AGTPBP1: variants seen among roughly 807,000 people sequenced by gnomAD.
AGTPBP1 encodes ATP/GTP binding carboxypeptidase 1, also known as cytosolic carboxypeptidase 1.
AGTPBP1 carries 70 observed loss-of-function variants against 143.9 expected under a neutral mutation model. The ratio of observed to expected loss-of-function variants is 0.49; its 90% CI spans 0.40 to 0.59. AGTPBP1 has a LOEUF of 0.59. Among genes scored for constraint, AGTPBP1 ranks in the 20% least tolerant of loss-of-function variants. The probability of loss-of-function intolerance (pLI) is 0.00; values close to 1 mark genes in which losing one functional copy is unlikely to be tolerated. For synonymous variants in AGTPBP1, 463 were observed against 500.2 expected (o/e 0.93, Z 0.99); for missense variants, 1,229 against 1,464.5 (o/e 0.84, Z 2.62).
intron 25 of AGTPBP1, among the ~76,000 whole-genome samples, chr9:85,562,939 T>C (rs1018688458): frequency 1.3e-5 from 2 of 152,154 alleles, no homozygotes; most frequent in Non-Finnish European, 2.9e-5. Flanking sequence ...ATGGGATTAG[T>C]GCCCTTATAA....
At chr9:85,551,156 G>A (rs1010268038) in intron 25 of AGTPBP1, among the ~76,000 whole-genome samples, 1 of 152,056 alleles carries the variant, frequency 6.6e-6, no homozygotes, top group African/African-American at 2.4e-5. Flanking sequence ...GTGGCACCAT[G>A]CTTCCTGTAC....
chr9:85,684,629 A>G (rs1835381251), intron 3 of AGTPBP1, among the ~76,000 whole-genome samples: 2 of 151,906 alleles, frequency 1.3e-5, no homozygotes, highest in South Asian at 4.2e-4. Flanking sequence ...ACATACTGCA[A>G]TCTTCCACCT....
upstream of AGTPBP1, among the ~76,000 whole-genome samples, chr9:85,746,672 T>C (rs1242738015): frequency 6.6e-6 from 1 of 151,538 alleles, no homozygotes; most frequent in Non-Finnish European, 1.5e-5. Flanking sequence ...AGAAGCAAAA[T>C]TGAGTAGAGA....
the AGTPBP1 span, chr9:85,765,060 C>T: frequency 1.8e-6 from 1 of 564,208 alleles, no homozygotes; most frequent in East Asian, 3.0e-5. Flanking sequence ...GTAGTGAGTT[C>T]ACCTGGCACT....
At chr9:85,561,666 G>A (rs916568756) in intron 25 of AGTPBP1, among the ~76,000 whole-genome samples, 1 of 152,066 alleles carries the variant, frequency 6.6e-6, no homozygotes, top group Admixed American at 6.6e-5. Flanking sequence ...GGGGTGGAAT[G>A]CGTGGTGAGA....
intron 5 of AGTPBP1, among the ~76,000 whole-genome samples, 177 bp from the exon 6 acceptor site, chr9:85,677,759 T>A (rs1241538623): frequency 6.6e-6 from 1 of 152,074 alleles, no homozygotes; most frequent in Non-Finnish European, 1.5e-5. Flanking sequence ...TCACAGCACT[T>A]AGGGAGGCCG....
Position 85,587,093 on chromosome 9 carries a change from G to C in AGTPBP1, c.2904-133C>G, listed in dbSNP as rs1161329286. On this transcript the variant is annotated intron_variant, in intron 21 of 25. Transcript: ENST00000357081. ...CCACTAAGCATTTCAAATAGGTATAGATGGTAAGCTCAACCAAATGCATAC... is the reference window on the plus strand; with the variant it reads ...CCACTAAGCATTTCAAATAGGTATACATGGTAAGCTCAACCAAATGCATAC... The C allele has an allele frequency of 5.4e-6, 6 of 1,112,182 alleles. No homozygotes were observed. In the African/African-American group the frequency reaches 9.4e-5, roughly 17 times the overall value. 68.9% of individuals were successfully genotyped at this position (1,112,182 alleles called of 1,614,324 possible).
chr9:85,704,240 G>A (rs528113610), intron 2 of AGTPBP1, among the ~76,000 whole-genome samples: 1 of 152,248 alleles, frequency 6.6e-6, no homozygotes, highest in East Asian at 1.9e-4. Context: ...GGAAACCATC[G>A]TGGCTAGAAT....
chr9:85,791,165 G>A, the AGTPBP1 span, among the ~76,000 whole-genome samples: 1 of 151,736 alleles, frequency 6.6e-6, no homozygotes, highest in Non-Finnish European at 1.5e-5. Context: ...GGATCACGAG[G>A]TCAGGAGTTC....
intron 3 of AGTPBP1, among the ~76,000 whole-genome samples, chr9:85,685,336 A>T (rs1039685656): frequency 3.9e-5 from 6 of 151,962 alleles, no homozygotes; most frequent in South Asian, 2.1e-4. Context: ...AAAATCCAAA[A>T]AAATAAATAA....
the AGTPBP1 span, among the ~76,000 whole-genome samples, chr9:85,801,551 C>T: frequency 3.3e-5 from 5 of 151,796 alleles, no homozygotes; most frequent in African/African-American, 1.2e-4. Context: ...GGAGGTAGGA[C>T]AGAGTAGTCT....
intron 7 of AGTPBP1, among the ~76,000 whole-genome samples, chr9:85,671,908 C>A (rs1438204540): frequency 6.6e-6 from 1 of 152,180 alleles, no homozygotes; most frequent in Non-Finnish European, 1.5e-5. Context: ...TAGGCTTTCT[C>A]CTCTCATCTG....
At chr9:85,638,408 G>C (rs1271096661) in intron 13 of AGTPBP1, among the ~76,000 whole-genome samples, 6 of 151,732 alleles carry the variant, frequency 4.0e-5, no homozygotes, top group Non-Finnish European at 1.5e-5. Context: ...GGGAAAAGGT[G>C]GAGTAAGAGA....
chr9:85,635,182 C>T (rs1349748729), intron 13 of AGTPBP1, among the ~76,000 whole-genome samples: 3 of 152,214 alleles, frequency 2.0e-5, no homozygotes, highest in South Asian at 2.1e-4. Context: ...CACCAGTTAA[C>T]CCATTTTTTG....
At chr9:85,630,397 T>G (rs543412940) in intron 14 of AGTPBP1, among the ~76,000 whole-genome samples, 1 of 152,092 alleles carries the variant, frequency 6.6e-6, no homozygotes, top group East Asian at 1.9e-4. Context: ...CTTACTTATT[T>G]ATTTAGTTAT....
chr9:85,739,511 C>T (rs1358328441), intron 1 of AGTPBP1, among the ~76,000 whole-genome samples: 1 of 151,978 alleles, frequency 6.6e-6, no homozygotes, highest in Non-Finnish European at 1.5e-5. Context: ...GAGTTCAAGA[C>T]GAGCTTGGGT....
Position 85,572,004 on chromosome 9 carries a change from G to GTTTTTTTTTTTTTTTTTTT in AGTPBP1, c.3503+3292_3503+3310dup, listed in dbSNP as rs55882437. 1.4e-4 allele frequency among the ~76,000 whole-genome samples: 6 copies of GTTTTTTTTTTTTTTTTTTT among 43,492 alleles called. 1 individual carries two copies. The highest frequency in any genetic ancestry group is 3.3e-4 in the Admixed American group (1 of 3,038). The allele number at this position is 43,492 out of a possible 152,430, so 28.5% of individuals were successfully genotyped here. On this transcript the variant is annotated intron_variant, in intron 25 of 25. Transcript: ENST00000357081. ...TGGCCATTATTAGTTGTTTGTGTGT[G>GTTTTTTTTTTTTTTTTTTT]TTTTTTTTTTTTTTTTTTTTTTTTT...
intron 23 of AGTPBP1, among the ~76,000 whole-genome samples, chr9:85,581,329 G>A (rs1001498490): frequency 6.6e-6 from 1 of 152,168 alleles, no homozygotes; most frequent in Non-Finnish European, 1.5e-5. Context: ...TTTGGCCAAG[G>A]CCTCAAGCAT....
intron 23 of AGTPBP1, among the ~76,000 whole-genome samples, chr9:85,582,053 T>C (rs1828297835): frequency 6.6e-6 from 1 of 152,244 alleles, no homozygotes; most frequent in Non-Finnish European, 1.5e-5. Flanking sequence ...ATTTGTTTTG[T>C]AAACCTTTTA....
Sources: allele counts gnomAD v4.1 joint callset (sites outside exome capture counted in the v4.1 genomes callset), GRCh38; gene constraint gnomAD v4.1.1; transcripts MANE v1.5; gene names NCBI Gene and HGNC (gene_info 2026-07-23, HGNC 2026-07-21).